Variants in BAZ2A observed in about 807,000 individuals in gnomAD.
BAZ2A encodes bromodomain adjacent to zinc finger domain protein 2A.
BAZ2A carries 34 observed loss-of-function variants against 199.9 expected under a neutral mutation model. The observed-to-expected ratio is 0.17, with a 90% CI of 0.13 to 0.23. BAZ2A has a LOEUF of 0.23. Ranked by LOEUF, BAZ2A falls within the 10% of genes least tolerant of loss-of-function variation. The pLI, the probability that BAZ2A is intolerant of heterozygous loss-of-function variation, is 1.00. For missense variants in BAZ2A, 2,002 were observed against 2,391.1 expected (o/e 0.84, Z 3.39); for synonymous variants, 857 against 883.9 (o/e 0.97, Z 0.54).
At chr12:56,610,619 T>C (rs1950530136) in intron 7 of BAZ2A, 102 bp from the exon 8 acceptor site, 1 of 994,320 alleles carries the variant, frequency 1.0e-6, no homozygotes, top group Admixed American at 2.1e-5. Context: ...TCCCCACATT[T>C]GTATCTCTAG....
upstream of BAZ2A, among the ~76,000 whole-genome samples, chr12:56,632,536 G>A (rs1393743462): frequency 6.6e-6 from 1 of 152,064 alleles, no homozygotes; most frequent in Non-Finnish European, 1.5e-5. Context: ...CGGAAGAGCC[G>A]GTTACTCCTG....
At chr12:56,636,393 A>G, upstream of BAZ2A, 4 of 592,812 alleles carry the variant, frequency 6.7e-6, no homozygotes, top group Non-Finnish European at 9.8e-6. Flanking sequence ...GTGGGGAGGG[A>G]GGAGGGAAGG....
intron 1 of BAZ2A, among the ~76,000 whole-genome samples, chr12:56,625,704 C>T (rs977024385): frequency 1.3e-5 from 2 of 151,330 alleles, no homozygotes; most frequent in African/African-American, 4.9e-5. Flanking sequence ...GGTGAAACCC[C>T]GTCTCTACTA....
In BAZ2A at chr12:56,599,030, T is replaced by C. The variant is rs1415719188; in HGVS notation, c.5403-19A>G. 2 of 1,609,454 alleles carry C rather than the reference T, an allele frequency of 1.2e-6. No homozygotes were observed. Among genetic ancestry groups the C allele is most frequent in the Non-Finnish European group, 8.5e-7 (1 of 1,177,884 alleles). Reference sequence around the variant, plus strand: ...GATAATCCTATCATTAGAGGGACAATGATGGCTCCATCTCAGGAAGCAAAT... The same window carrying C: ...GATAATCCTATCATTAGAGGGACAACGATGGCTCCATCTCAGGAAGCAAAT... On this transcript the variant is annotated intron_variant, in intron 27 of 28. Transcript: ENST00000549884.
In BAZ2A at chr12:56,615,497, G is replaced by T. The variant is rs778547227; in HGVS notation, c.247C>A (p.Pro83Thr). 1 of 1,613,568 alleles carries T rather than the reference G, an allele frequency of 6.2e-7. No individual in the cohort carries two copies. The change falls in exon 3 of 29, where the codon CCC becomes ACC. Residue 83 changes from proline to threonine, a missense_variant. By Grantham distance (38) the Pro-to-Thr change is conservative. This residue lies in a region of BAZ2A where 641 missense variants were observed against 694.5 expected (regional missense o/e 0.92). Coordinates refer to ENST00000549884, the MANE Select transcript of BAZ2A (RefSeq NM_001300905.2). ...CAGAGACAGTCGTAGGCCACGCTGG[G>T]GTGATGGAGGTGTGAGGTGCTGGAG... is the stretch of plus-strand genomic sequence containing the variant. The part of the protein sequence containing the change: ...HSSSTSHLHH[P>T]SVAYDCLWNY...
rs764763511 is a variant in BAZ2A at position 56,606,323 on chromosome 12, T to G, written c.2194-11A>C. On this transcript the variant is annotated splice_polypyrimidine_tract_variant and intron_variant, in intron 11 of 28. Coordinates refer to ENST00000549884, the MANE Select transcript of BAZ2A (RefSeq NM_001300905.2). ...CCGCTTATTTCTGGCCTGTAAACCA[T>G]AAGGGAAGTCATTTCTCCTCAAACT... is the stretch of plus-strand genomic sequence containing the variant. 2 of 1,613,868 alleles carry G rather than the reference T, an allele frequency of 1.2e-6. No homozygotes were observed. The highest frequency in any genetic ancestry group is 2.2e-5 in the South Asian group (2 of 91,078).
At position 56,601,943 on chromosome 12, in the gene BAZ2A, A is replaced by G; in HGVS notation, c.3674T>C (p.Leu1225Pro). ...PQAQLQPEAQLHAPAQPQPQL... is the reference protein window; with the variant it reads ...PQAQLQPEAQPHAPAQPQPQL... ...AGGCTGGGGCTGGGCAGGAGCATGA[A>G]GCTGAGCCTCAGGCTGAAGCTGGGC... The change falls in exon 20 of 29, where the codon CTT becomes CCT. Residue 1225 changes from leucine to proline, a missense_variant. Around this residue, in one of 6 missense-constraint regions of BAZ2A, gnomAD observed 1,081 missense variants for 1,274.7 expected, o/e 0.85. Coordinates refer to ENST00000549884, the MANE Select transcript of BAZ2A (RefSeq NM_001300905.2). The G allele has an allele frequency of 1.3e-6, 2 of 1,575,546 alleles. No individual in the cohort carries two copies. The highest frequency in any genetic ancestry group is 2.3e-5 in the South Asian group (2 of 87,524).
upstream of BAZ2A, chr12:56,636,878 GAGAGGCTGCTGC>G (rs1293613413): frequency 1.3e-5 from 2 of 152,442 alleles, no homozygotes; most frequent in Non-Finnish European, 2.9e-5. Flanking sequence ...GAGACTGCGG[GAGAGGCTGCTGC>G]CAAGGACGTC....
Position 56,630,308 on chromosome 12 carries a change from T to G in BAZ2A, c.-186A>C, listed in dbSNP as rs1050075895. 9 of 983,854 alleles carry G rather than the reference T, an allele frequency of 9.1e-6. No homozygotes were observed. Among genetic ancestry groups the G allele is most frequent in the South Asian group, 9.4e-5 (2 of 21,270 alleles). The allele number at this position is 983,854 out of a possible 1,614,324, so 60.9% of individuals were successfully genotyped here. A position where few individuals can be genotyped will look rare whatever the true frequency, so the allele number is the denominator to read the frequency against. ...CCGCGGGGCCCGAGAGGAGCCAACA[T>G]GGCCGGCGGGGGAGGAGTGAGTCGG... On this transcript the variant is annotated 5_prime_UTR_variant, in exon 1 of 29. It removes an upstream start codon present in the reference 5' UTR. Transcript: ENST00000549884.
chr12:56,611,926 C>T lies in BAZ2A; in HGVS notation c.1456G>A (p.Ala486Thr). Residue 486 changes from alanine to threonine, a missense_variant, in exon 6 of 29, where the codon GCT (alanine) becomes ACT (threonine). Transcript: ENST00000549884. ...GAGGCTTTTGGGGATGTCACTGAAG[C>T]CGTCAACGGGACTTCTAAGGAGACT... Reference protein sequence around the residue: ...PAVSLEVPLTASVTSPKASPV... With the variant: ...PAVSLEVPLTTSVTSPKASPV... 6.2e-7 allele frequency: 1 copy of T among 1,611,456 alleles called. No individual in the cohort carries two copies. Among genetic ancestry groups the T allele is most frequent in the Non-Finnish European group, 8.5e-7 (1 of 1,178,662 alleles).
At position 56,615,212 on chromosome 12, in the gene BAZ2A, G is replaced by A. The variant is rs762275391; in HGVS notation, c.532C>T (p.Pro178Ser). 1 of 1,613,828 alleles carries A rather than the reference G, an allele frequency of 6.2e-7. No homozygotes were observed. Among genetic ancestry groups the A allele is most frequent in the Non-Finnish European group, 8.5e-7 (1 of 1,179,826 alleles). Residue 178 changes from proline (P) to serine (S), a missense_variant, in exon 3 of 29, where the codon CCC (proline) becomes TCC (serine). Coordinates refer to ENST00000549884, the MANE Select transcript of BAZ2A (RefSeq NM_001300905.2). ...SFPDQNFEVM[P>S]NGPPSFFTSP... ...GTGAAAAAACTAGGGGGTCCATTGG[G>A]CATCACCTCAAAATTCTGGTCAGGA...
Position 56,598,843 on chromosome 12 carries a change from G to C in BAZ2A, c.5546+25C>G, listed in dbSNP as rs201507665. 8.1e-6 allele frequency: 13 copies of C among 1,607,542 alleles called. No individual in the cohort carries two copies. In the Admixed American group the frequency reaches 1.4e-4, roughly 17 times the overall value. On this transcript the variant is annotated intron_variant, in intron 28 of 28. Transcript: ENST00000549884. ...AGGAGTTGCAGCAGTAGCAAAGACC[G>C]GGCGGTTCACCCACATCTACTTACC...
At chr12:56,619,367 G>T (rs927829147) in intron 1 of BAZ2A, among the ~76,000 whole-genome samples, 1 of 151,072 alleles carries the variant, frequency 6.6e-6, no homozygotes, top group Non-Finnish European at 1.5e-5. Flanking sequence ...AAGGAGCAGG[G>T]TGTGGTGGGG....
upstream of BAZ2A, chr12:56,630,850 C>A: frequency 1.0e-6 from 1 of 985,488 alleles, no homozygotes; most frequent in Non-Finnish European, 1.2e-6. Context: ...CCCTGGTCAC[C>A]GGAAAGGAAA....
chr12:56,603,330 C>T, intron 18 of BAZ2A, 29 bp downstream of exon 18: 1 of 1,609,306 alleles, frequency 6.2e-7, no homozygotes. Context: ...CCCATATCTC[C>T]AACTCTTGGG....
intron 1 of BAZ2A, chr12:56,636,061 A>G: frequency 8.2e-7 from 1 of 1,226,478 alleles, no homozygotes; most frequent in East Asian, 2.6e-5. Flanking sequence ...CGTCCCCCAG[A>G]GTCCTGTTTC....
In BAZ2A at chr12:56,601,276, C is replaced by T; in HGVS notation, c.4198G>A (p.Gly1400Arg). ...GGTCTCCCTCTCCGTTTGGGCTGTC[C>T]CAGCCCTGTGGGACTCTGTGGCATT... ...GEMPQSPTGL[G>R]QPKRRGRPPS... Residue 1400 changes from glycine to arginine, a missense_variant, in exon 21 of 29, where the codon GGA becomes AGA. Transcript: ENST00000549884. 6.2e-7 allele frequency: 1 copy of T among 1,614,026 alleles called. No individual in the cohort carries two copies. Among genetic ancestry groups the T allele is most frequent in the Non-Finnish European group, 8.5e-7 (1 of 1,179,906 alleles).
intron 4 of BAZ2A, 119 bp from the exon 5 acceptor site, chr12:56,613,352 C>G: frequency 9.7e-7 from 1 of 1,027,236 alleles, no homozygotes; most frequent in Non-Finnish European, 1.5e-6. Context: ...AAGATTCTTC[C>G]TAATATTAAG....
At chr12:56,619,624 G>A (rs1472675790) in intron 1 of BAZ2A, among the ~76,000 whole-genome samples, 1 of 152,002 alleles carries the variant, frequency 6.6e-6, no homozygotes, top group Non-Finnish European at 1.5e-5. Context: ...TAGTATAAAT[G>A]TGAATATAAC....
Sources: gnomAD v4.1 joint callset for allele counts (sites outside exome capture counted in the v4.1 genomes callset) on GRCh38, gnomAD v4.1.1 for gene constraint, gnomAD v4.1.1 regional missense constraint, MANE v1.5 for transcripts, NCBI Gene and HGNC (gene_info 2026-07-23, HGNC 2026-07-21) for gene names.